PPM1D: variants seen among roughly 807,000 people sequenced by gnomAD.
PPM1D encodes protein phosphatase 1D.
PPM1D carries 52 observed loss-of-function variants against 58.3 expected under a neutral mutation model. That is an observed-to-expected ratio of 0.89 (90% CI 0.71 to 1.12). The LOEUF (loss-of-function observed/expected upper bound fraction) is 1.12, where lower values mean the gene tolerates loss of function less well. PPM1D is among the 50% of genes most tolerant of loss of function. The pLI, the probability that PPM1D is intolerant of heterozygous loss-of-function variation, is 0.00. For synonymous variants in PPM1D, 278 were observed against 285.1 expected, an observed-to-expected ratio of 0.98 and a Z score of 0.25; for missense variants, 564 against 777.2, an observed-to-expected ratio of 0.73 and a Z score of 3.26.
chr17:60,657,762 A>G (rs1292695108), intron 5 of PPM1D, among the ~76,000 whole-genome samples: 1 of 152,110 alleles, frequency 6.6e-6, no homozygotes, highest in African/African-American at 2.4e-5. Flanking sequence ...TTTTTGAGAC[A>G]GAGTTTCACT....
chr17:60,643,864 A>G (rs900363820), intron 3 of PPM1D, among the ~76,000 whole-genome samples: 29 of 150,594 alleles, frequency 1.9e-4, no homozygotes, highest in African/African-American at 6.6e-4. Flanking sequence ...GTCATTGTGC[A>G]ATAGAACTCT....
At position 60,633,669 on chromosome 17, in the gene PPM1D, C is replaced by G. The variant is rs17508886; in HGVS notation, c.702-184C>G. Reference sequence around the variant, plus strand: ...ATTCCAGTAATCTCAAAATTTTCCACTTTGAATCTACCCTAATTCCTCTCT... The same window carrying G: ...ATTCCAGTAATCTCAAAATTTTCCAGTTTGAATCTACCCTAATTCCTCTCT... On this transcript the variant is annotated intron_variant, in intron 2 of 5. Transcript: ENST00000305921. Among the ~76,000 whole-genome samples the G allele has an allele frequency of 0.021, 3,208 of 152,244 alleles. 54 individuals carry two copies. The highest frequency in any genetic ancestry group is 0.033 in the Non-Finnish European group (2,236 of 68,016).
chr17:60,600,280 T>A lies in PPM1D; in HGVS notation c.-135T>A. The A allele has an allele frequency of 1.4e-6, 2 of 1,430,662 alleles. No individual in the cohort carries two copies. The highest frequency in any genetic ancestry group is 1.8e-6 in the Non-Finnish European group (2 of 1,095,134). The allele number at this position is 1,430,662 out of a possible 1,614,324, so 88.6% of individuals were successfully genotyped here. On this transcript the variant is annotated 5_prime_UTR_variant, in exon 1 of 6. Transcript: ENST00000305921. ...AAGTCCAGACATCGCGCGCCCCCCC[T>A]TCTCCGGGTCCGCCCCCTCCCCCTT...
At chr17:60,625,002 C>T (rs1027561942) in intron 2 of PPM1D, among the ~76,000 whole-genome samples, 30 of 151,032 alleles carry the variant, frequency 2.0e-4, no homozygotes, top group Non-Finnish European at 3.8e-4. Flanking sequence ...ATTAGCCGGG[C>T]GTGGCAGCGT....
At chr17:60,609,949 A>T (rs1002057815) in intron 1 of PPM1D, among the ~76,000 whole-genome samples, 1 of 152,140 alleles carries the variant, frequency 6.6e-6, no homozygotes, top group Non-Finnish European at 1.5e-5. Context: ...TGGGAGGCAG[A>T]GGTGGGCGGA....
chr17:60,629,250 A>T (rs182423820), intron 2 of PPM1D, among the ~76,000 whole-genome samples: 8 of 152,352 alleles, frequency 5.3e-5, no homozygotes, highest in Non-Finnish European at 1.5e-5. Context: ...CCTTGTATGC[A>T]TGCAGTTTGT....
At chr17:60,606,262 A>G (rs1022704048) in intron 1 of PPM1D, among the ~76,000 whole-genome samples, 2 of 152,226 alleles carry the variant, frequency 1.3e-5, no homozygotes, top group Non-Finnish European at 2.9e-5. Context: ...ATATAGATGT[A>G]TGCATGCCAC....
chr17:60,600,988 A>G (rs2030197207), intron 1 of PPM1D, 102 bp downstream of exon 1: 1 of 1,503,978 alleles, frequency 6.6e-7, no homozygotes. Context: ...AGCGCAACCA[A>G]AGTATACACT....
At chr17:60,645,994 G>A (rs780430378) in intron 3 of PPM1D, among the ~76,000 whole-genome samples, 9 of 152,096 alleles carry the variant, frequency 5.9e-5, no homozygotes, top group Middle Eastern at 3.4e-3. Flanking sequence ...AAATAAATTA[G>A]CTGGGCCTGT....
chr17:60,631,905 G>A (rs1342656313), intron 2 of PPM1D, among the ~76,000 whole-genome samples: 4 of 152,028 alleles, frequency 2.6e-5, no homozygotes, highest in South Asian at 2.1e-4. Context: ...CAGGCCGGGC[G>A]CGGTGGCTCA....
chr17:60,632,677 C>T (rs892447789), intron 2 of PPM1D, among the ~76,000 whole-genome samples: 2 of 152,150 alleles, frequency 1.3e-5, no homozygotes, highest in African/African-American at 4.8e-5. Context: ...CATAGTGAGA[C>T]CCCGTCTCCT....
chr17:60,625,790 GA>G (rs1252304292), intron 2 of PPM1D, among the ~76,000 whole-genome samples: 1 of 152,148 alleles, frequency 6.6e-6, no homozygotes, highest in Admixed American at 6.5e-5. Flanking sequence ...ATGGGAATAA[GA>G]TGGAAATATT....
At chr17:60,636,038 G>A (rs1443899991) in intron 3 of PPM1D, among the ~76,000 whole-genome samples, 1 of 152,204 alleles carries the variant, frequency 6.6e-6, no homozygotes, top group Non-Finnish European at 1.5e-5. Flanking sequence ...AGCTCACTGA[G>A]TAACCTGGAT....
intron 3 of PPM1D, among the ~76,000 whole-genome samples, chr17:60,642,520 G>A (rs1412317993): frequency 2.6e-5 from 4 of 151,926 alleles, no homozygotes; most frequent in East Asian, 2.0e-4. Flanking sequence ...GTGCAGTGGC[G>A]CGATCTCGGC....
At chr17:60,613,027 A>G (rs2030492590) in intron 1 of PPM1D, among the ~76,000 whole-genome samples, 1 of 152,192 alleles carries the variant, frequency 6.6e-6, no homozygotes, top group Non-Finnish European at 1.5e-5. Flanking sequence ...CTTTTCTACC[A>G]TAATAGGCTT....
intron 1 of PPM1D, among the ~76,000 whole-genome samples, chr17:60,620,646 A>G (rs920997444): frequency 6.6e-6 from 1 of 151,170 alleles, no homozygotes; most frequent in East Asian, 2.0e-4. Context: ...CTGAGCTGGG[A>G]TTACAGGTGT....
chr17:60,632,501 A>G (rs992583696), intron 2 of PPM1D, among the ~76,000 whole-genome samples: 1 of 152,128 alleles, frequency 6.6e-6, no homozygotes, highest in Non-Finnish European at 1.5e-5. Context: ...GAGGAAGTCA[A>G]GCCTGCAGTG....
chr17:60,627,087 C>T (rs140049560), intron 2 of PPM1D, among the ~76,000 whole-genome samples: 2 of 152,270 alleles, frequency 1.3e-5, no homozygotes, highest in African/African-American at 2.4e-5. Flanking sequence ...TTTGATTATG[C>T]TCCTGGAACT....
intron 3 of PPM1D, among the ~76,000 whole-genome samples, chr17:60,638,810 T>C (rs1324936488): frequency 6.6e-6 from 1 of 152,196 alleles, no homozygotes. Flanking sequence ...ATTTTTCTTA[T>C]AGGTTTTTTT....
Sources: gnomAD v4.1 joint callset for allele counts (sites outside exome capture counted in the v4.1 genomes callset) on GRCh38, gnomAD v4.1.1 for gene constraint, MANE v1.5 for transcripts, NCBI Gene and HGNC (gene_info 2026-07-23, HGNC 2026-07-21) for gene names.